MIPOL1: variants seen among roughly 807,000 people sequenced by gnomAD.
The protein encoded by MIPOL1 is mirror-image polydactyly 1.
A neutral mutation model predicts 60.9 loss-of-function variants in MIPOL1; 57 were observed. That is an observed-to-expected ratio of 0.94 (90% CI 0.76 to 1.17). MIPOL1 has a LOEUF of 1.17. MIPOL1 is among the 50% of genes most tolerant of loss of function. MIPOL1 has a pLI of 0.00. For synonymous variants in MIPOL1, 179 were observed against 168.8 expected (o/e 1.06, Z -0.47); for missense variants, 551 against 511.6 (o/e 1.08, Z -0.74).
At chr14:37,425,466 C>T (rs1391364037) in intron 11 of MIPOL1, among the ~76,000 whole-genome samples, 1 of 152,144 alleles carries the variant, frequency 6.6e-6, no homozygotes, top group Non-Finnish European at 1.5e-5. Context: ...TGCTTCACAA[C>T]TACTTTTCTC....
At chr14:37,363,704 C>T (rs899701139) in intron 9 of MIPOL1, among the ~76,000 whole-genome samples, 3 of 152,184 alleles carry the variant, frequency 2.0e-5, no homozygotes, top group Non-Finnish European at 2.9e-5. Flanking sequence ...AGAAGTTGTC[C>T]GCTGCCATTT....
intron 1 of MIPOL1, among the ~76,000 whole-genome samples, chr14:37,200,900 A>T (rs75775075): frequency 0.1 from 5,441 of 53,308 alleles, 520 homozygotes; most frequent in African/African-American, 0.27. Flanking sequence ...GTGTGTGTGT[A>T]TTTTTTTTTT....
At chr14:37,331,555 T>C (rs1322090725) in intron 9 of MIPOL1, among the ~76,000 whole-genome samples, 1 of 151,222 alleles carries the variant, frequency 6.6e-6, no homozygotes, top group East Asian at 1.9e-4. Flanking sequence ...ACATTCTTGT[T>C]TTTTTTTTCA....
chr14:37,407,842 CTTCTTTT>C (rs1377519762), intron 10 of MIPOL1, among the ~76,000 whole-genome samples: 38 of 58,060 alleles, frequency 6.5e-4, no homozygotes, highest in African/African-American at 2.0e-3. Context: ...TCTTCTTCTT[CTTCTTTT>C]TTTTTTTTTT....
chr14:37,430,277 C>T (rs923991261), intron 11 of MIPOL1, among the ~76,000 whole-genome samples: 2 of 151,944 alleles, frequency 1.3e-5, no homozygotes, highest in South Asian at 2.1e-4. Flanking sequence ...ACGTGAAAAG[C>T]TTTTTCTACT....
intron 9 of MIPOL1, among the ~76,000 whole-genome samples, chr14:37,364,778 A>T (rs961478776): frequency 6.6e-6 from 1 of 152,076 alleles, no homozygotes; most frequent in African/African-American, 2.4e-5. Context: ...TGTTATTTTG[A>T]TAGAGATTGC....
intron 9 of MIPOL1, among the ~76,000 whole-genome samples, chr14:37,360,972 G>T (rs1455548460): frequency 6.6e-6 from 1 of 152,098 alleles, no homozygotes; most frequent in South Asian, 2.1e-4. Context: ...ATAAATTTCC[G>T]CCTACACACT....
rs766480156 is a variant in MIPOL1 at position 37,308,341 on chromosome 14, G to A, written c.658-8G>A. The A allele has an allele frequency of 2.0e-6, 3 of 1,529,994 alleles. No homozygotes were observed. The highest frequency in any genetic ancestry group is 1.4e-5 in the South Asian group (1 of 74,040). 94.8% of individuals were successfully genotyped at this position (1,529,994 alleles called of 1,614,324 possible). ...TCATGTCTGACTAACATATAATGGT[G>A]TTGGTAGACATTACAGGAATTACTG... On this transcript the variant is annotated splice_polypyrimidine_tract_variant and splice_region_variant and intron_variant, in intron 8 of 12. Coordinates refer to ENST00000684589, the MANE Select transcript of MIPOL1 (RefSeq NM_001388067.1).
At chr14:37,290,530 G>C (rs903628745) in intron 7 of MIPOL1, among the ~76,000 whole-genome samples, 1 of 152,032 alleles carries the variant, frequency 6.6e-6, no homozygotes, top group Non-Finnish European at 1.5e-5. Flanking sequence ...CCAGCTGTGA[G>C]TGTGTGTTTG....
rs115021249 is a variant in MIPOL1 at position 37,405,059 on chromosome 14, A to T, written c.937-17796A>T. Reference sequence around the variant, plus strand: ...ATGAAGCATTGAATGGCAGGAGAACACAATATGGTAATCCAGAGCTTAACT... The same window carrying T: ...ATGAAGCATTGAATGGCAGGAGAACTCAATATGGTAATCCAGAGCTTAACT... On this transcript the variant is annotated intron_variant, in intron 10 of 12. Transcript: ENST00000684589. 1.7e-3 allele frequency among the ~76,000 whole-genome samples: 256 copies of T among 152,248 alleles called. 1 individual carries two copies. The highest frequency in any genetic ancestry group is 5.6e-3 in the African/African-American group (231 of 41,552).
At chr14:37,305,781 T>G (rs1177636331) in intron 7 of MIPOL1, among the ~76,000 whole-genome samples, 1 of 151,768 alleles carries the variant, frequency 6.6e-6, no homozygotes, top group Non-Finnish European at 1.5e-5. Context: ...AGTTATATAT[T>G]TTTTTCCTGG....
intron 11 of MIPOL1, among the ~76,000 whole-genome samples, chr14:37,498,190 G>A (rs1028107037): frequency 3.3e-5 from 5 of 152,054 alleles, no homozygotes; most frequent in African/African-American, 1.2e-4. Flanking sequence ...TACCTTTTGG[G>A]GAGGGGAAAA....
intron 10 of MIPOL1, among the ~76,000 whole-genome samples, chr14:37,413,037 G>A (rs2093704452): frequency 6.6e-6 from 1 of 151,998 alleles, no homozygotes; most frequent in African/African-American, 2.4e-5. Flanking sequence ...GCTAAAGTGA[G>A]TGTGAAGGAA....
chr14:37,539,659 T>TA (rs1483453088), intron 12 of MIPOL1, among the ~76,000 whole-genome samples: 23 of 152,124 alleles, frequency 1.5e-4, no homozygotes, highest in African/African-American at 5.3e-4. Context: ...ACAGTAAAGA[T>TA]ACAACAATTT....
chr14:37,403,432 C>CTTTT (rs11415779), intron 10 of MIPOL1, among the ~76,000 whole-genome samples: 29 of 94,090 alleles, frequency 3.1e-4, no homozygotes, highest in East Asian at 4.0e-4. Context: ...AGGTTTCTAG[C>CTTTT]TTTTTTTTTT....
At chr14:37,411,591 C>T (rs1166560072) in intron 10 of MIPOL1, among the ~76,000 whole-genome samples, 2 of 152,070 alleles carry the variant, frequency 1.3e-5, no homozygotes, top group Non-Finnish European at 2.9e-5. Flanking sequence ...GGCCTCTGGA[C>T]CAGCTGCCTG....
At chr14:37,351,074 A>C (rs2091326520) in intron 9 of MIPOL1, among the ~76,000 whole-genome samples, 3 of 106,128 alleles carry the variant, frequency 2.8e-5, no homozygotes, top group East Asian at 6.4e-4. Context: ...CCACCCCACA[A>C]CGGTCCCCAG....
intron 3 of MIPOL1, among the ~76,000 whole-genome samples, chr14:37,250,129 C>A (rs1180903523): frequency 6.6e-6 from 1 of 152,104 alleles, no homozygotes; most frequent in Non-Finnish European, 1.5e-5. Context: ...TATATAGATG[C>A]ATAGACAGTT....
At chr14:37,351,508 A>C (rs1292602726) in intron 9 of MIPOL1, among the ~76,000 whole-genome samples, 1 of 151,614 alleles carries the variant, frequency 6.6e-6, no homozygotes, top group African/African-American at 2.4e-5. Context: ...TGGTTGAACT[A>C]GTTTACAGTC....
Sources: gnomAD v4.1 joint callset for allele counts (sites outside exome capture counted in the v4.1 genomes callset) on GRCh38, gnomAD v4.1.1 for gene constraint, MANE v1.5 for transcripts, NCBI Gene and HGNC (gene_info 2026-07-23, HGNC 2026-07-21) for gene names.